Variants in PTBP3 observed in about 807,000 individuals in gnomAD.
PTBP3 encodes polypyrimidine tract-binding protein 3.
A neutral mutation model predicts 58.7 loss-of-function variants in PTBP3; 20 were observed. The observed-to-expected ratio is 0.34, with a 90% CI of 0.24 to 0.50. The LOEUF (loss-of-function observed/expected upper bound fraction) is 0.50, where lower values mean the gene tolerates loss of function less well. PTBP3 is among the 20% of genes least tolerant of loss of function. The probability of loss-of-function intolerance (pLI) is 0.98; values close to 1 mark genes in which losing one functional copy is unlikely to be tolerated. For missense variants in PTBP3, 509 were observed against 637.2 expected, an observed-to-expected ratio of 0.80 and a Z score of 2.17; for synonymous variants, 185 against 219.8, an observed-to-expected ratio of 0.84 and a Z score of 1.40.
intron 7 of PTBP3, among the ~76,000 whole-genome samples, chr9:112,237,570 G>A (rs1037912107): frequency 3.3e-5 from 5 of 152,100 alleles, no homozygotes; most frequent in Admixed American, 6.6e-5. Flanking sequence ...GCAGAAAAAC[G>A]CTCAATGAAC....
the PTBP3 span, among the ~76,000 whole-genome samples, chr9:112,376,252 GTT>G: frequency 4.0e-5 from 3 of 75,008 alleles, no homozygotes; most frequent in Non-Finnish European, 6.7e-5. Flanking sequence ...AGTTTATTAA[GTT>G]TTTTTTTTTT....
At chr9:112,242,081 C>T (rs950581131) in intron 7 of PTBP3, among the ~76,000 whole-genome samples, 2 of 152,116 alleles carry the variant, frequency 1.3e-5, no homozygotes, top group African/African-American at 4.8e-5. Context: ...CTGCTATGAA[C>T]ATTTGTGTTT....
chr9:112,376,631 G>C, the PTBP3 span, among the ~76,000 whole-genome samples: 3 of 152,138 alleles, frequency 2.0e-5, no homozygotes, highest in African/African-American at 4.8e-5. Context: ...GCCAGTCCAA[G>C]TCCCGAAACT....
intron 1 of PTBP3, among the ~76,000 whole-genome samples, chr9:112,321,271 C>G (rs1483030404): frequency 6.6e-6 from 1 of 152,084 alleles, no homozygotes; most frequent in Non-Finnish European, 1.5e-5. Flanking sequence ...GTGGCTCATA[C>G]CTGTAATCCA....
At chr9:112,320,481 T>G (rs1360991134) in intron 1 of PTBP3, among the ~76,000 whole-genome samples, 4 of 151,372 alleles carry the variant, frequency 2.6e-5, no homozygotes, top group Non-Finnish European at 2.9e-5. Context: ...AAATAAAATG[T>G]CAAACATCAA....
At chr9:112,247,858 T>C (rs1486539800) in intron 7 of PTBP3, among the ~76,000 whole-genome samples, 2 of 152,160 alleles carry the variant, frequency 1.3e-5, no homozygotes, top group African/African-American at 4.8e-5. Context: ...ATCTGCAACT[T>C]ACTCAAGTGG....
chr9:112,247,651 G>T (rs1258125023), intron 7 of PTBP3, among the ~76,000 whole-genome samples: 1 of 152,074 alleles, frequency 6.6e-6, no homozygotes, highest in Non-Finnish European at 1.5e-5. Context: ...CAAGGTCAAG[G>T]CTACAATGAG....
At chr9:112,274,310 T>C (rs1292935992) in intron 3 of PTBP3, among the ~76,000 whole-genome samples, 1 of 152,246 alleles carries the variant, frequency 6.6e-6, no homozygotes, top group Non-Finnish European at 1.5e-5. Flanking sequence ...TATTTATAAA[T>C]GTATTTACCA....
chr9:112,252,928 A>G, intron 5 of PTBP3, 140 bp from the exon 6 acceptor site: 4 of 601,898 alleles, frequency 6.6e-6, no homozygotes, highest in Non-Finnish European at 1.2e-5. Context: ...CTTAAGCCTA[A>G]AACATTAACA....
rs1313617304 is a variant in PTBP3, at chr9:112,333,606, G to T, written c.-188C>A. The T allele has an allele frequency of 1.2e-5, 14 of 1,139,212 alleles. No individual in the cohort carries two copies. The South Asian group carries it at 1.8e-4, about 15-fold the overall frequency. The allele number at this position is 1,139,212 out of a possible 1,614,324, so 70.6% of individuals were successfully genotyped here. Reference sequence around the variant, plus strand: ...CTCTGCGGAGCCCCGGCCGGTCCGAGGTGGAAGGAGAGTGGGAACAGGGGC... The same window carrying T: ...CTCTGCGGAGCCCCGGCCGGTCCGATGTGGAAGGAGAGTGGGAACAGGGGC... On this transcript the variant is annotated 5_prime_UTR_variant, in exon 1 of 14. Transcript: ENST00000374257.
chr9:112,281,230 T>C, intron 2 of PTBP3: 1 of 208,010 alleles, frequency 4.8e-6, no homozygotes, highest in East Asian at 1.1e-4. Context: ...CCAACTTTCA[T>C]GCTAACTGGC....
chr9:112,263,792 T>C (rs1317880706), intron 4 of PTBP3, among the ~76,000 whole-genome samples: 1 of 152,204 alleles, frequency 6.6e-6, no homozygotes, highest in African/African-American at 2.4e-5. Flanking sequence ...AAGAATGTTC[T>C]TGTTTGTAGG....
chr9:112,347,967 T>C, the PTBP3 span, among the ~76,000 whole-genome samples: 1 of 152,252 alleles, frequency 6.6e-6, no homozygotes, highest in African/African-American at 2.4e-5. Context: ...CCACAAAATT[T>C]AGCCTATTTT....
the PTBP3 span, among the ~76,000 whole-genome samples, chr9:112,346,087 AC>A: frequency 6.6e-6 from 1 of 151,432 alleles, no homozygotes; most frequent in African/African-American, 2.4e-5. Context: ...CAGGTAATCC[AC>A]CCTTTTTGGC....
intron 1 of PTBP3, among the ~76,000 whole-genome samples, chr9:112,310,576 G>C (rs185603302): frequency 1.3e-5 from 2 of 152,350 alleles, no homozygotes; most frequent in Admixed American, 1.3e-4. Context: ...CACTGGGGAA[G>C]ATTAGGGAAC....
chr9:112,219,391 A>G lies in PTBP3; in HGVS notation c.*4460T>C, dbSNP rs571449839. ...TACTACATAGATCCAAGAAGTGAAA[A>G]TAATACAACAACAAATCAGTTGACA... On this transcript the variant is annotated 3_prime_UTR_variant, in exon 14 of 14. Transcript: ENST00000374257. 6.6e-6 allele frequency: 1 copy of G among 152,468 alleles called. No homozygotes were observed. The highest frequency in any genetic ancestry group is 1.9e-4 in the East Asian group (1 of 5,192). 9.4% of individuals were successfully genotyped at this position (152,468 alleles called of 1,614,324 possible). A position where few individuals can be genotyped will look rare whatever the true frequency, so the allele number is the denominator to read the frequency against.
chr9:112,275,294 C>A (rs1382402366), intron 3 of PTBP3, among the ~76,000 whole-genome samples: 1 of 152,098 alleles, frequency 6.6e-6, no homozygotes, highest in Non-Finnish European at 1.5e-5. Context: ...TGACACCTCA[C>A]CCGGCTAATT....
At chr9:112,281,352 A>T (rs1827856732) in intron 2 of PTBP3, 1 of 152,410 alleles carries the variant, frequency 6.6e-6, no homozygotes, top group Non-Finnish European at 1.5e-5. Flanking sequence ...TTTTCGTTCT[A>T]CTCTTTTCAA....
At chr9:112,247,393 G>C (rs188816727) in intron 7 of PTBP3, among the ~76,000 whole-genome samples, 2 of 151,782 alleles carry the variant, frequency 1.3e-5, no homozygotes, top group Admixed American at 6.6e-5. Flanking sequence ...AAATTAGCCC[G>C]ATACTTGTTT....
Sources: allele counts gnomAD v4.1 joint callset (sites outside exome capture counted in the v4.1 genomes callset), GRCh38; gene constraint gnomAD v4.1.1; transcripts MANE v1.5; gene names NCBI Gene and HGNC (gene_info 2026-07-23, HGNC 2026-07-21).